The following KIAA0930 variants were observed in gnomAD, a reference collection of about 807,000 sequenced individuals.
The protein encoded by KIAA0930 is uncharacterized protein KIAA0930.
A neutral mutation model predicts 43.9 loss-of-function variants in KIAA0930; 24 were observed. The ratio of observed to expected loss-of-function variants is 0.55; its 90% CI spans 0.40 to 0.77. KIAA0930 has a LOEUF of 0.77. Among genes scored for constraint, KIAA0930 ranks in the 30% least tolerant of loss-of-function variants. The pLI is 0.00. For missense variants in KIAA0930, 461 were observed against 574.2 expected (o/e 0.80, Z 2.02); for synonymous variants, 259 against 216.4 (o/e 1.20, Z -1.73).
chr22:45,202,869 C>G (rs1346646345), intron 7 of KIAA0930, 121 bp downstream of exon 7: 4 of 824,162 alleles, frequency 4.9e-6, no homozygotes, highest in Non-Finnish European at 7.3e-6. Flanking sequence ...GCACCTCGGC[C>G]TGCGCACTGG....
intron 1 of KIAA0930, chr22:45,226,227 G>C (rs2083799511): frequency 2.1e-6 from 1 of 470,858 alleles, no homozygotes; most frequent in South Asian, 1.5e-5. Context: ...TCCTCGAAGT[G>C]CTTTCACAAT....
chr22:45,238,899 T>G (rs2083902143), intron 1 of KIAA0930, among the ~76,000 whole-genome samples: 2 of 151,912 alleles, frequency 1.3e-5, no homozygotes, highest in African/African-American at 4.8e-5. Context: ...TCTCTCTCTC[T>G]CTCACCCTCA....
intron 1 of KIAA0930, among the ~76,000 whole-genome samples, chr22:45,216,614 T>C (rs1264468490): frequency 2.6e-5 from 4 of 152,028 alleles, no homozygotes; most frequent in Admixed American, 6.6e-5. Context: ...AAACCCCTTC[T>C]CCCTTCACCC....
intron 1 of KIAA0930, among the ~76,000 whole-genome samples, chr22:45,223,295 A>C (rs1198543913): frequency 1.3e-5 from 2 of 152,224 alleles, no homozygotes; most frequent in Non-Finnish European, 2.9e-5. Flanking sequence ...AGAGCAGACC[A>C]ATATTAGAGG....
chr22:45,230,243 G>A (rs1227700278), intron 1 of KIAA0930, among the ~76,000 whole-genome samples: 2 of 152,198 alleles, frequency 1.3e-5, no homozygotes, highest in Non-Finnish European at 2.9e-5. Flanking sequence ...AGGGCGGGCA[G>A]CGAGTCACGT....
chr22:45,210,990 C>G (rs1279543371), intron 2 of KIAA0930, among the ~76,000 whole-genome samples: 1 of 152,208 alleles, frequency 6.6e-6, no homozygotes, highest in Admixed American at 6.5e-5. Flanking sequence ...GCCAGTTGTT[C>G]ATGGTCTCCT....
At chr22:45,231,035 G>A (rs985603762) in intron 1 of KIAA0930, among the ~76,000 whole-genome samples, 4 of 151,874 alleles carry the variant, frequency 2.6e-5, no homozygotes, top group African/African-American at 9.7e-5. Context: ...GATCACCTGA[G>A]GCCAGGAGTT....
At chr22:45,237,703 G>A (rs953177415) in intron 1 of KIAA0930, among the ~76,000 whole-genome samples, 3 of 152,198 alleles carry the variant, frequency 2.0e-5, no homozygotes, top group East Asian at 3.8e-4. Flanking sequence ...AAATCTAACA[G>A]GCTGTCACAG....
chr22:45,238,006 C>T (rs1373650936), intron 1 of KIAA0930, among the ~76,000 whole-genome samples: 1 of 152,050 alleles, frequency 6.6e-6, no homozygotes, highest in Non-Finnish European at 1.5e-5. Flanking sequence ...CTGCAACCTC[C>T]GCCTCCCGGG....
chr22:45,218,447 G>C (rs1264711805), intron 1 of KIAA0930, among the ~76,000 whole-genome samples: 3 of 143,482 alleles, frequency 2.1e-5, no homozygotes, highest in Admixed American at 1.5e-4. Flanking sequence ...GCCTCCCAAA[G>C]TGCTGGGATT....
chr22:45,207,620 A>G (rs11703294), intron 2 of KIAA0930: 24,791 of 168,338 alleles, frequency 0.15, 1,955 homozygotes, highest in Non-Finnish European at 0.18. Flanking sequence ...CACCGCGCCC[A>G]GCCTGGCTTT....
At chr22:45,209,357 C>T (rs1168454140) in intron 2 of KIAA0930, among the ~76,000 whole-genome samples, 1 of 152,204 alleles carries the variant, frequency 6.6e-6, no homozygotes, top group African/African-American at 2.4e-5. Flanking sequence ...GCGCCTCCAG[C>T]CTGCCCCCTG....
chr22:45,203,397 G>A (rs1007845935), intron 6 of KIAA0930, among the ~76,000 whole-genome samples: 3 of 152,048 alleles, frequency 2.0e-5, no homozygotes, highest in Non-Finnish European at 4.4e-5. Context: ...CATGAACCAC[G>A]GACCAGGCTG....
At chr22:45,213,167 G>C (rs779493810) in intron 1 of KIAA0930, among the ~76,000 whole-genome samples, 2 of 152,134 alleles carry the variant, frequency 1.3e-5, no homozygotes, top group Non-Finnish European at 2.9e-5. Context: ...TCGGCCACTA[G>C]CTGAGTCAAA....
At chr22:45,230,165 G>A (rs2083843355) in intron 1 of KIAA0930, among the ~76,000 whole-genome samples, 1 of 152,204 alleles carries the variant, frequency 6.6e-6, no homozygotes. Context: ...CTCAGCCACA[G>A]CTGGCTGAGG....
intron 1 of KIAA0930, among the ~76,000 whole-genome samples, chr22:45,222,927 A>T (rs1023062593): frequency 6.6e-6 from 1 of 152,192 alleles, no homozygotes; most frequent in African/African-American, 2.4e-5. Context: ...ATACCTGACA[A>T]CACTTCAGGT....
intron 2 of KIAA0930, among the ~76,000 whole-genome samples, chr22:45,210,088 C>T (rs73434154): frequency 0.041 from 6,264 of 152,298 alleles, 433 homozygotes; most frequent in African/African-American, 0.14. Context: ...TGACCAGAGT[C>T]GTGACCTCTC....
Position 45,205,299 on chromosome 22 carries a change from C to A in KIAA0930, c.434G>T (p.Ser145Ile). ...KKSQQVFASP[S>I]KHPMDSKGEE... ...CCCCTTGCTGTCCATGGGGTGTTTA[C>A]TGGGGGACGCGAACACTTGCTGGAA... The change falls in exon 5 of 10, where the codon AGT (serine) becomes ATT (isoleucine). Residue 145 changes from serine (S) to isoleucine (I), a missense_variant. Transcript: ENST00000336156. 6.2e-7 allele frequency: 1 copy of A among 1,613,992 alleles called. No homozygotes were observed. Among genetic ancestry groups the A allele is most frequent in the Non-Finnish European group, 8.5e-7 (1 of 1,179,916 alleles).
At chr22:45,233,988 C>T (rs1018823031) in intron 1 of KIAA0930, among the ~76,000 whole-genome samples, 1 of 152,216 alleles carries the variant, frequency 6.6e-6, no homozygotes, top group Non-Finnish European at 1.5e-5. Flanking sequence ...TGCACCAGGG[C>T]TTCCCCAATC....
Sources: allele counts gnomAD v4.1 joint callset (sites outside exome capture counted in the v4.1 genomes callset), GRCh38; gene constraint gnomAD v4.1.1; transcripts MANE v1.5; gene names NCBI Gene and HGNC (gene_info 2026-07-23, HGNC 2026-07-21).